The following PTPRN2 variants were observed in gnomAD, a reference collection of about 807,000 sequenced individuals.
The protein encoded by PTPRN2 is protein tyrosine phosphatase receptor type N2.
A neutral mutation model predicts 118.8 loss-of-function variants in PTPRN2; 74 were observed. The observed-to-expected ratio is 0.62, with a 90% CI of 0.52 to 0.76. The LOEUF is 0.76. PTPRN2 is among the 30% of genes least tolerant of loss of function. The pLI is 0.00. For synonymous variants in PTPRN2, 641 were observed against 608.0 expected, an observed-to-expected ratio of 1.05 and a Z score of -0.80; for missense variants, 1,481 against 1,394.4, an observed-to-expected ratio of 1.06 and a Z score of -0.99.
chr7:158,057,776 G>A (rs1466340039), intron 11 of PTPRN2, among the ~76,000 whole-genome samples: 3 of 152,136 alleles, frequency 2.0e-5, no homozygotes, highest in Non-Finnish European at 2.9e-5. Context: ...CCCCTCATCT[G>A]CCCCCATCTG....
At chr7:158,584,338 T>C (rs983698319) in intron 1 of PTPRN2, among the ~76,000 whole-genome samples, 3 of 152,050 alleles carry the variant, frequency 2.0e-5, no homozygotes, top group African/African-American at 7.2e-5. Context: ...ATGTTCAAGT[T>C]AAACTTAAGG....
Position 158,541,742 on chromosome 7 carries a change from C to G in PTPRN2, c.112+45816G>C, listed in dbSNP as rs184694552. 1.9e-4 allele frequency: 228 copies of G among 1,202,286 alleles called. 1 individual carries two copies. In the African/African-American group the frequency reaches 3.5e-3, roughly 18 times the overall value. 74.5% of individuals were successfully genotyped at this position (1,202,286 alleles called of 1,614,324 possible). On this transcript the variant is annotated intron_variant, in intron 1 of 22. Coordinates refer to ENST00000389418, the MANE Select transcript of PTPRN2 (RefSeq NM_002847.5). ...CACTTGCTTAAAGCTTGCCGCAGCT[C>G]AGAACCCAAAAGGGCTGCGGACGCA...
At chr7:157,621,654 CT>C in intron 14 of PTPRN2, 145 bp from the exon 15 acceptor site, 1 of 964,236 alleles carries the variant, frequency 1.0e-6, no homozygotes, top group Non-Finnish European at 1.6e-6. Flanking sequence ...CGACGTTGTG[CT>C]ACGGTGCACA....
In PTPRN2 at chr7:158,090,734, T is replaced by C. The variant is rs369817519; in HGVS notation, c.1644-9357A>G. Reference sequence around the variant, plus strand: ...ACCAGACTGTTGAGTGTAAGAGTTCTGCGTAAAAGGCCTTTTCTTAACTGA... The same window carrying C: ...ACCAGACTGTTGAGTGTAAGAGTTCCGCGTAAAAGGCCTTTTCTTAACTGA... On this transcript the variant is annotated intron_variant, in intron 10 of 22. Coordinates refer to ENST00000389418, the MANE Select transcript of PTPRN2 (RefSeq NM_002847.5). Among the ~76,000 whole-genome samples the C allele has an allele frequency of 7.9e-5, 12 of 152,370 alleles. No individual in the cohort carries two copies. The East Asian group carries it at 2.3e-3, about 29-fold the overall frequency.
chr7:158,083,797 G>T (rs953342658), intron 10 of PTPRN2, among the ~76,000 whole-genome samples: 1 of 152,134 alleles, frequency 6.6e-6, no homozygotes, highest in Non-Finnish European at 1.5e-5. Flanking sequence ...CTGCGGTCAC[G>T]GTGCACTGAG....
intron 11 of PTPRN2, among the ~76,000 whole-genome samples, chr7:157,909,902 C>T (rs1445810651): frequency 6.6e-6 from 1 of 152,230 alleles, no homozygotes; most frequent in African/African-American, 2.4e-5. Context: ...GAATAAGTGA[C>T]TTATAGGAAG....
chr7:157,655,020 A>C (rs1805975784), intron 14 of PTPRN2, among the ~76,000 whole-genome samples: 1 of 152,222 alleles, frequency 6.6e-6, no homozygotes, highest in Admixed American at 6.5e-5. Flanking sequence ...ACCACAGTCC[A>C]TCAAGGGAGG....
At chr7:158,219,229 C>A (rs1828169408) in intron 3 of PTPRN2, among the ~76,000 whole-genome samples, 1 of 152,058 alleles carries the variant, frequency 6.6e-6, no homozygotes, top group Non-Finnish European at 1.5e-5. Flanking sequence ...TCTTGGCCCA[C>A]ATGTAATATA....
intron 2 of PTPRN2, among the ~76,000 whole-genome samples, chr7:158,437,090 T>C (rs185541947): frequency 2.0e-5 from 3 of 152,314 alleles, no homozygotes; most frequent in Admixed American, 2.0e-4. Flanking sequence ...CCTACACATA[T>C]AGACCTTTCC....
intron 12 of PTPRN2, among the ~76,000 whole-genome samples, chr7:157,696,155 C>T (rs1182992543): frequency 7.0e-6 from 1 of 143,532 alleles, no homozygotes; most frequent in Non-Finnish European, 1.5e-5. Context: ...TCACCATCTA[C>T]CCATGCATAC....
At chr7:157,878,320 CGGATTCCGTGGGGCTGGAAGGG>C (rs1795908023) in intron 12 of PTPRN2, among the ~76,000 whole-genome samples, 1 of 150,156 alleles carries the variant, frequency 6.7e-6, no homozygotes, top group Non-Finnish European at 1.5e-5. Context: ...GAGGAGCTCT[CGGATTCCGTGGGGCTGGAAGGG>C]TCAGTGTGAT....
At chr7:157,814,989 C>T (rs975888753) in intron 12 of PTPRN2, among the ~76,000 whole-genome samples, 1 of 152,208 alleles carries the variant, frequency 6.6e-6, no homozygotes, top group Non-Finnish European at 1.5e-5. Context: ...TGTTTGATTT[C>T]AGGTGACTTT....
chr7:158,046,415 G>T (rs1326896197), intron 11 of PTPRN2, among the ~76,000 whole-genome samples: 2 of 151,624 alleles, frequency 1.3e-5, no homozygotes, highest in African/African-American at 4.9e-5. Flanking sequence ...TTCTGTCCAG[G>T]AGCAGAAACT....
rs1797901253 is a variant in PTPRN2 at position 157,539,256 on chromosome 7, T to C, written c.*1458A>G. 1 of 152,234 alleles carries C rather than the reference T, an allele frequency of 6.6e-6. No individual in the cohort carries two copies. The highest frequency in any genetic ancestry group is 1.5e-5 in the Non-Finnish European group (1 of 68,034). 9.4% of individuals were successfully genotyped at this position (152,234 alleles called of 1,614,324 possible). On this transcript the variant is annotated 3_prime_UTR_variant, in exon 23 of 23. Coordinates refer to ENST00000389418, the MANE Select transcript of PTPRN2 (RefSeq NM_002847.5). ...AATGATAGCTATATTAAAGCAGATA[T>C]TCATTACAATACCATGTAGAGACAT... is the stretch of plus-strand genomic sequence containing the variant.
In PTPRN2 at chr7:158,563,274, G is replaced by T. The variant is rs553818995; in HGVS notation, c.112+24284C>A. Among the ~76,000 whole-genome samples the T allele has an allele frequency of 2.6e-5, 4 of 152,148 alleles. No individual in the cohort carries two copies. The highest frequency in any genetic ancestry group is 5.9e-5 in the Non-Finnish European group (4 of 68,038). On this transcript the variant is annotated intron_variant, in intron 1 of 22. Coordinates refer to ENST00000389418, the MANE Select transcript of PTPRN2 (RefSeq NM_002847.5). This position sits in a 1 kb window ranked among gnomAD's most constrained non-coding sequence, Gnocchi z 5.1. ...CTTGGAAAATATGAAATTGCTGACC[G>T]ATCCCCAGCATCAACTTCGCCAATA...
At chr7:157,952,559 C>T (rs1800904962) in intron 11 of PTPRN2, among the ~76,000 whole-genome samples, 2 of 152,034 alleles carry the variant, frequency 1.3e-5, no homozygotes, top group African/African-American at 4.8e-5. Flanking sequence ...CTGAGCAGCC[C>T]CTCCCCTGTG....
intron 6 of PTPRN2, among the ~76,000 whole-genome samples, chr7:158,152,845 C>A (rs903744853): frequency 6.7e-6 from 1 of 149,332 alleles, no homozygotes. Flanking sequence ...CCGACAGACA[C>A]CAGCACGCCA....
chr7:158,221,696 T>A (rs141906291), intron 3 of PTPRN2, among the ~76,000 whole-genome samples: 1 of 152,110 alleles, frequency 6.6e-6, no homozygotes, highest in African/African-American at 2.4e-5. Context: ...TTCACTAACA[T>A]GAGAATAATA....
Position 157,609,657 on chromosome 7 carries a change from G to A in PTPRN2, c.2345-5582C>T, listed in dbSNP as rs1802214540. 6.6e-6 allele frequency among the ~76,000 whole-genome samples: 1 copy of A among 152,194 alleles called. No homozygotes were observed. Among genetic ancestry groups the A allele is most frequent in the Non-Finnish European group, 1.5e-5 (1 of 68,042 alleles). On this transcript the variant is annotated intron_variant, in intron 15 of 22. Transcript: ENST00000389418. The surrounding 1 kb of genome is among the most constrained non-coding windows in gnomAD (Gnocchi z 4.9). The stretch of plus-strand genomic sequence containing the variant: ...GCCAGCGGGCGATCCTGGGTAAACT[G>A]TTCAGTGTTCGGAGAATGCAGGATG...
Sources: allele counts gnomAD v4.1 joint callset (sites outside exome capture counted in the v4.1 genomes callset), GRCh38; gene constraint gnomAD v4.1.1; non-coding constraint Gnocchi (gnomAD v3.1); transcripts MANE v1.5; gene names NCBI Gene and HGNC (gene_info 2026-07-23, HGNC 2026-07-21).